BRD4: variants seen among roughly 807,000 people sequenced by gnomAD.
The protein encoded by BRD4 is bromodomain containing 4.
A neutral mutation model predicts 142.1 loss-of-function variants in BRD4; 16 were observed. That is an observed-to-expected ratio of 0.11 (90% CI 0.08 to 0.17). The LOEUF (loss-of-function observed/expected upper bound fraction) is 0.17, where lower values mean the gene tolerates loss of function less well. BRD4 is among the 10% of genes least tolerant of loss of function. The pLI is 1.00. For synonymous variants in BRD4, 833 were observed against 707.5 expected (o/e 1.18, Z -2.82); for missense variants, 1,424 against 1,810.9 (o/e 0.79, Z 3.88).
chr19:15,256,364 C>T, intron 8 of BRD4, 101 bp from the exon 9 acceptor site: 3 of 1,440,704 alleles, frequency 2.1e-6, no homozygotes, highest in Non-Finnish European at 9.4e-7. Context: ...CAGCATGCAC[C>T]TGGGGCATCA....
At chr19:15,315,295 G>A (rs1405147904) in intron 1 of BRD4, among the ~76,000 whole-genome samples, 2 of 152,070 alleles carry the variant, frequency 1.3e-5, no homozygotes, top group African/African-American at 4.8e-5. Flanking sequence ...TTCTAGCACA[G>A]GGGTATTAGG....
At chr19:15,263,200 G>A (rs900904119) in intron 7 of BRD4, among the ~76,000 whole-genome samples, 3 of 152,242 alleles carry the variant, frequency 2.0e-5, no homozygotes, top group African/African-American at 7.2e-5. Flanking sequence ...ATGAGTGCTG[G>A]TGGAGGGGGC....
rs979727366 is a variant in BRD4, at chr19:15,265,794, C to T, written c.560-151G>A. The T allele has an allele frequency of 1.2e-5, 10 of 857,408 alleles. No homozygotes were observed. The African/African-American group carries it at 1.3e-4, about 11-fold the overall frequency. 53.1% of individuals were successfully genotyped at this position (857,408 alleles called of 1,614,324 possible). A position where few individuals can be genotyped will look rare whatever the true frequency, so the allele number is the denominator to read the frequency against. On this transcript the variant is annotated intron_variant, in intron 4 of 19. Transcript: ENST00000679869. ...ACATCCCAGACTCCACTCTGCCAAA[C>T]CCTTCCACCTGTCCCTGGGGCTCAA...
intron 1 of BRD4, among the ~76,000 whole-genome samples, chr19:15,310,413 T>A (rs868578145): frequency 4.5e-4 from 53 of 116,700 alleles, no homozygotes; most frequent in South Asian, 9.6e-4. Flanking sequence ...CAGGCTGGAG[T>A]GCAGTGGCGC....
intron 1 of BRD4, among the ~76,000 whole-genome samples, chr19:15,312,127 T>C (rs1279612777): frequency 6.6e-6 from 1 of 152,210 alleles, no homozygotes; most frequent in Non-Finnish European, 1.5e-5. Context: ...CATGGGAAAA[T>C]GCCCTCACAG....
Position 15,238,691 on chromosome 19 carries a change from C to T in BRD4, c.4020+52G>A, listed in dbSNP as rs578135728. 4.8e-6 allele frequency: 7 copies of T among 1,462,144 alleles called. No homozygotes were observed. In the East Asian group the frequency reaches 1.2e-4, roughly 26 times the overall value. 90.6% of individuals were successfully genotyped at this position (1,462,144 alleles called of 1,614,324 possible). The stretch of plus-strand genomic sequence containing the variant: ...AGGCTCCAGTCCCCCTTTCCCAGCT[C>T]CCTCAGGAGCTAATCCTTAGACCAG... On this transcript the variant is annotated intron_variant, in intron 19 of 19. Transcript: ENST00000679869. This position sits in a 1 kb window ranked among gnomAD's most constrained non-coding sequence, Gnocchi z 7.2.
At chr19:15,270,620 T>C (rs925705264) in intron 2 of BRD4, among the ~76,000 whole-genome samples, 4 of 151,940 alleles carry the variant, frequency 2.6e-5, no homozygotes, top group Non-Finnish European at 5.9e-5. Context: ...GAGAGAACGG[T>C]GGGGGAAGAG....
chr19:15,310,357 TTCCCCCCCCCCCCC>T lies in BRD4; in HGVS notation c.-35+21919_-35+21932del, dbSNP rs1410446927. Reference sequence around the variant, plus strand: ...GCACCATGTCCGGCTGATTTTTGGATTCCCCCCCCCCCCCCCCCCCCCCGAAGGAGTCTCACTCT... The same window carrying T: ...GCACCATGTCCGGCTGATTTTTGGATCCCCCCCCCGAAGGAGTCTCACTCT... On this transcript the variant is annotated intron_variant, in intron 1 of 19. Coordinates refer to ENST00000679869, the MANE Select transcript of BRD4 (RefSeq NM_001379291.1). Among the ~76,000 whole-genome samples, 17 of 51,308 alleles carry T rather than the reference TTCCCCCCCCCCCCC, an allele frequency of 3.3e-4. 4 individuals carry two copies. The highest frequency in any genetic ancestry group is 7.0e-4 in the Non-Finnish European group (16 of 22,846). 33.7% of individuals were successfully genotyped at this position (51,308 alleles called of 152,430 possible). A position where few individuals can be genotyped will look rare whatever the true frequency, so the allele number is the denominator to read the frequency against.
At chr19:15,310,494 G>A (rs945674364) in intron 1 of BRD4, among the ~76,000 whole-genome samples, 18 of 151,026 alleles carry the variant, frequency 1.2e-4, no homozygotes, top group African/African-American at 2.7e-4. Flanking sequence ...CTCAGTAGCT[G>A]GGACTACAGG....
At position 15,238,884 on chromosome 19, in the gene BRD4, TTGCTCCTGGCGCTGCTGCTGC is replaced by T. The variant is rs1568375705; in HGVS notation, c.3858_3878del (p.Arg1290_Gln1296del). On this transcript the variant is annotated inframe_deletion, in exon 19 of 20. Coordinates refer to ENST00000679869, the MANE Select transcript of BRD4 (RefSeq NM_001379291.1). The surrounding 1 kb of genome is among the most constrained non-coding windows in gnomAD (Gnocchi z 7.2). ...CTGCTTGCTGTTGCTGCTGCTGCTG[TTGCTCCTGGCGCTGCTGCTGC>T]TGCTGCTCCTGGCGCCGACGTGCCT... 2 of 1,598,134 alleles carry T rather than the reference TTGCTCCTGGCGCTGCTGCTGC, an allele frequency of 1.3e-6. No individual in the cohort carries two copies. Among genetic ancestry groups the T allele is most frequent in the East Asian group, 2.3e-5 (1 of 44,142 alleles).
At chr19:15,302,684 A>C (rs2047880071) in intron 1 of BRD4, among the ~76,000 whole-genome samples, 1 of 150,132 alleles carries the variant, frequency 6.7e-6, no homozygotes, top group Admixed American at 6.6e-5. Context: ...AAAAAAAAAA[A>C]AAAAAAAAAA....
At chr19:15,253,941 G>C in intron 11 of BRD4, 1 of 731,546 alleles carries the variant, frequency 1.4e-6, no homozygotes, top group East Asian at 2.7e-5. Context: ...GAGCATAACG[G>C]CCAGGCCGAG....
rs577263872 is a variant in BRD4 at position 15,235,901 on chromosome 19, C to T, written c.*2476G>A. On this transcript the variant is annotated 3_prime_UTR_variant, in exon 20 of 20. Coordinates refer to ENST00000679869, the MANE Select transcript of BRD4 (RefSeq NM_001379291.1). ...GGAAGCTGCAGAGAAAACTATCCAG[C>T]TCAGCAGTTGGACCCAGGCTGGGGA... 1.6e-4 allele frequency: 25 copies of T among 152,336 alleles called. No homozygotes were observed. The highest frequency in any genetic ancestry group is 7.8e-4 in the Admixed American group (12 of 15,298). 9.4% of individuals were successfully genotyped at this position (152,336 alleles called of 1,614,324 possible).
chr19:15,254,364 G>A, intron 10 of BRD4, 102 bp from the exon 11 acceptor site: 1 of 1,029,670 alleles, frequency 9.7e-7, no homozygotes, highest in Non-Finnish European at 1.5e-6. Flanking sequence ...GACCAGTGAG[G>A]AGCCTGTGCA....
chr19:15,290,755 T>C (rs1247464800), intron 1 of BRD4, among the ~76,000 whole-genome samples: 2 of 152,162 alleles, frequency 1.3e-5, no homozygotes, highest in African/African-American at 2.4e-5. Flanking sequence ...GTGTGTTCCA[T>C]CTCATACCCA....
intron 3 of BRD4, among the ~76,000 whole-genome samples, chr19:15,268,470 C>G (rs1292839107): frequency 7.1e-6 from 1 of 140,668 alleles, no homozygotes; most frequent in Non-Finnish European, 1.5e-5. Flanking sequence ...TGCGCCGGCC[C>G]CATCACACCC....
Position 15,251,946 on chromosome 19 carries a change from A to G in BRD4, c.2158+2206T>C, listed in dbSNP as rs2047352247. Among the ~76,000 whole-genome samples, 3 of 152,354 alleles carry G rather than the reference A, an allele frequency of 2.0e-5. No homozygotes were observed. In the South Asian group the frequency reaches 6.2e-4, roughly 32 times the overall value. On this transcript the variant is annotated intron_variant, in intron 11 of 19. Coordinates refer to ENST00000679869, the MANE Select transcript of BRD4 (RefSeq NM_001379291.1). ...CATGAGCGGCCAGGGCTGGACCGCCAGAGCCTGGGAGCCTGGGAGCCAGCG... is the reference window on the plus strand; with the variant it reads ...CATGAGCGGCCAGGGCTGGACCGCCGGAGCCTGGGAGCCTGGGAGCCAGCG...
intron 1 of BRD4, among the ~76,000 whole-genome samples, chr19:15,287,990 A>AC (rs2047752962): frequency 6.6e-6 from 1 of 151,918 alleles, no homozygotes; most frequent in Non-Finnish European, 1.5e-5. Flanking sequence ...GCTGATCTCA[A>AC]ACTCCTGACT....
intron 11 of BRD4, among the ~76,000 whole-genome samples, chr19:15,245,589 A>G (rs2047278871): frequency 6.6e-6 from 1 of 152,090 alleles, no homozygotes; most frequent in African/African-American, 2.4e-5. Context: ...TGTACTCGAG[A>G]GCCAGCGTGC....
Sources: allele counts gnomAD v4.1 joint callset (sites outside exome capture counted in the v4.1 genomes callset), GRCh38; gene constraint gnomAD v4.1.1; non-coding constraint Gnocchi (gnomAD v3.1); transcripts MANE v1.5; gene names NCBI Gene and HGNC (gene_info 2026-07-23, HGNC 2026-07-21).